The following TRAPPC13 variants were observed in gnomAD, a reference collection of about 807,000 sequenced individuals.
TRAPPC13 encodes the protein trafficking protein particle complex subunit 13.
In TRAPPC13, 39 loss-of-function variants were observed where a neutral mutation model predicts 54.0. The observed-to-expected ratio is 0.72, with a 90% CI of 0.56 to 0.94. The LOEUF (loss-of-function observed/expected upper bound fraction) is 0.94, where lower values mean the gene tolerates loss of function less well. Ranked by LOEUF, TRAPPC13 falls within the 40% of genes least tolerant of loss-of-function variation. The pLI is 0.00. For synonymous variants in TRAPPC13, 148 were observed against 167.7 expected (o/e 0.88, Z 0.91); for missense variants, 386 against 488.1 (o/e 0.79, Z 1.97).
rs761739530 is a variant in TRAPPC13, at chr5:65,625,077, C to G, written c.17C>G (p.Pro6Arg). 1.9e-6 allele frequency: 3 copies of G among 1,613,830 alleles called. No individual in the cohort carries two copies. The highest frequency in any genetic ancestry group is 1.1e-5 in the South Asian group (1 of 91,082). ...CCGGTCAAAATGGAAGTGAATCCCC[C>G]TAAACAGGAGCACCTGCTGGCGCTA... MEVNP[P>R]KQEHLLALKV... is the part of the protein sequence containing the mutation. The change falls in exon 1 of 13, where the codon CCT becomes CGT. Residue 6 changes from proline (P) to arginine (R), a missense_variant. Pro to Arg is a moderately radical substitution (Grantham distance 103). Coordinates refer to ENST00000399438, the MANE Select transcript of TRAPPC13 (RefSeq NM_024941.4).
At chr5:65,629,966 C>T in intron 1 of TRAPPC13, 1 of 1,536,016 alleles carries the variant, frequency 6.5e-7, no homozygotes, top group Non-Finnish European at 8.7e-7. Flanking sequence ...GGGAAAACAG[C>T]ACAAGAGGAG....
Position 65,634,510 on chromosome 5 carries a change from AAAT to A in TRAPPC13, c.47-786_47-784del, listed in dbSNP as rs1755673842. ...TTAGACACATTCTGTCATGTTCCAA[AAAT>A]AATATCTTACTTTTGATTGGAATTA... On this transcript the variant is annotated intron_variant, in intron 1 of 12. Transcript: ENST00000399438. Among the ~76,000 whole-genome samples, 10 of 152,282 alleles carry A rather than the reference AAAT, an allele frequency of 6.6e-5. No homozygotes were observed. The South Asian group carries it at 2.1e-3, about 32-fold the overall frequency.
chr5:65,660,818 T>C lies in TRAPPC13; in HGVS notation c.818T>C (p.Val273Ala), dbSNP rs1276136791. 2 of 1,613,734 alleles carry C rather than the reference T, an allele frequency of 1.2e-6. No individual in the cohort carries two copies. Among genetic ancestry groups the C allele is most frequent in the Admixed American group, 1.7e-5 (1 of 59,992 alleles). Residue 273 changes from valine (V) to alanine (A), a missense_variant, in exon 10 of 13, where the codon GTA (valine) becomes GCA (alanine). Transcript: ENST00000399438. Reference sequence around the variant, plus strand: ...GCAGGCATCATTAAGGGAGTAACAGTAATTGGAAAATTGGATATAGTATGG... The same window carrying C: ...GCAGGCATCATTAAGGGAGTAACAGCAATTGGAAAATTGGATATAGTATGG... ...EKAGIIKGVT[V>A]IGKLDIVWKT...
intron 1 of TRAPPC13, among the ~76,000 whole-genome samples, chr5:65,628,099 C>T: frequency 6.6e-6 from 1 of 152,140 alleles, no homozygotes. Context: ...GCCTGATTAG[C>T]AAGCCTAACT....
intron 1 of TRAPPC13, among the ~76,000 whole-genome samples, chr5:65,626,722 C>A (rs1183064528): frequency 2.6e-5 from 4 of 152,004 alleles, no homozygotes; most frequent in African/African-American, 7.3e-5. Flanking sequence ...GGCAACAGAG[C>A]GAGACTCCAT....
At chr5:65,651,968 A>T (rs1469465572) in intron 6 of TRAPPC13, among the ~76,000 whole-genome samples, 1 of 142,236 alleles carries the variant, frequency 7.0e-6, no homozygotes, top group Admixed American at 7.7e-5. Flanking sequence ...GGTGCAAGCG[A>T]TTCTCCTGCC....
In TRAPPC13 at chr5:65,658,461, A is replaced by C; in HGVS notation, c.658A>C (p.Asn220His). 6.3e-7 allele frequency: 1 copy of C among 1,580,852 alleles called. No individual in the cohort carries two copies. The highest frequency in any genetic ancestry group is 8.6e-7 in the Non-Finnish European group (1 of 1,161,492). Reference sequence around the variant, plus strand: ...TTCACTGGAGCCATCTATTATGTACAATGTAACAGAATTAAATTCAGTCAG... The same window carrying C: ...TTCACTGGAGCCATCTATTATGTACCATGTAACAGAATTAAATTCAGTCAG... ...KVSLEPSIMYNVTELNSVSQA... is the reference protein window; with the variant it reads ...KVSLEPSIMYHVTELNSVSQA... Residue 220 changes from asparagine to histidine, a missense_variant, in exon 9 of 13, where the codon AAT (asparagine) becomes CAT (histidine). Coordinates refer to ENST00000399438, the MANE Select transcript of TRAPPC13 (RefSeq NM_024941.4).
intron 4 of TRAPPC13, among the ~76,000 whole-genome samples, chr5:65,644,881 CAA>C (rs34137576): frequency 2.6e-3 from 320 of 124,884 alleles, no homozygotes; most frequent in Non-Finnish European, 3.0e-3. Context: ...ACTCCGTCTC[CAA>C]AAAAAAAAAA....
chr5:65,626,302 C>G (rs532070138), intron 1 of TRAPPC13: 2 of 152,348 alleles, frequency 1.3e-5, no homozygotes, highest in African/African-American at 2.4e-5. Context: ...AGGCCTGCCT[C>G]TCTTTCCAAG....
rs972116611 is a variant in TRAPPC13 at position 65,665,779 on chromosome 5, A to G, written c.*1168A>G. On this transcript the variant is annotated 3_prime_UTR_variant, in exon 13 of 13. Coordinates refer to ENST00000399438, the MANE Select transcript of TRAPPC13 (RefSeq NM_024941.4). The stretch of plus-strand genomic sequence containing the variant: ...AAGTTGAGGTGATAAACAACTTTGC[A>G]GCATTAATGTAACAAAAAGTTTCAG... The G allele has an allele frequency of 1.3e-5, 2 of 152,544 alleles. No individual in the cohort carries two copies. Among genetic ancestry groups the G allele is most frequent in the African/African-American group, 2.4e-5 (1 of 41,448 alleles). 9.4% of individuals were successfully genotyped at this position (152,544 alleles called of 1,614,324 possible). A position where few individuals can be genotyped will look rare whatever the true frequency, so the allele number is the denominator to read the frequency against.
In TRAPPC13 at chr5:65,664,499, A is replaced by G. The variant is rs1409005677; in HGVS notation, c.1147-5A>G. 1.8e-6 allele frequency: 2 copies of G among 1,124,904 alleles called. No individual in the cohort carries two copies. Among genetic ancestry groups the G allele is most frequent in the Admixed American group, 4.4e-5 (2 of 45,536 alleles). 69.7% of individuals were successfully genotyped at this position (1,124,904 alleles called of 1,614,324 possible). On this transcript the variant is annotated splice_region_variant and splice_polypyrimidine_tract_variant and intron_variant, in intron 12 of 12. Coordinates refer to ENST00000399438, the MANE Select transcript of TRAPPC13 (RefSeq NM_024941.4). ...ACTTAGACTCATCTCTCTCTCTCTC[A>G]ATAGAGCATCTCTGGCTTAAGACTA...
chr5:65,652,962 T>C (rs1756525209), intron 7 of TRAPPC13, among the ~76,000 whole-genome samples: 1 of 152,084 alleles, frequency 6.6e-6, no homozygotes. Flanking sequence ...GCTTAGCACA[T>C]TAAATTATTT....
At chr5:65,625,292 A>G (rs765168802) in intron 1 of TRAPPC13, 186 bp downstream of exon 1, 2 of 597,546 alleles carry the variant, frequency 3.3e-6, no homozygotes, top group Non-Finnish European at 3.0e-6. Flanking sequence ...GCCCCTTTCT[A>G]GAACGAAATA....
rs563867967 is a variant in TRAPPC13, at chr5:65,635,508, T to A, written c.115+139T>A. ...TTCTTTGTTGCCTATTTTTGTATCA[T>A]GTGAAAGGTGGCCATCTGAGTAACA... On this transcript the variant is annotated intron_variant, in intron 2 of 12. Transcript: ENST00000399438. The A allele has an allele frequency of 2.2e-3, 1,517 of 697,360 alleles. 9 individuals carry two copies. The highest frequency in any genetic ancestry group is 2.2e-3 in the Non-Finnish European group (914 of 411,642). 43.2% of individuals were successfully genotyped at this position (697,360 alleles called of 1,614,324 possible). A position where few individuals can be genotyped will look rare whatever the true frequency, so the allele number is the denominator to read the frequency against.
At chr5:65,664,086 G>A (rs190181598) in intron 11 of TRAPPC13, 151 bp from the exon 12 acceptor site, 172 of 786,974 alleles carry the variant, frequency 2.2e-4, no homozygotes, top group Non-Finnish European at 3.3e-4. Flanking sequence ...TATCTTAAGT[G>A]ACATAAAAAA....
At chr5:65,645,450 A>C (rs1190087094) in intron 4 of TRAPPC13, among the ~76,000 whole-genome samples, 1 of 152,184 alleles carries the variant, frequency 6.6e-6, no homozygotes, top group African/African-American at 2.4e-5. Flanking sequence ...AAGACACAGC[A>C]GTAATAAATA....
rs1756556659 is a variant in TRAPPC13 at position 65,653,727 on chromosome 5, T to A, written c.546+1182T>A. 2.0e-5 allele frequency among the ~76,000 whole-genome samples: 3 copies of A among 152,132 alleles called. No individual in the cohort carries two copies. The South Asian group carries it at 6.2e-4, about 32-fold the overall frequency. The stretch of plus-strand genomic sequence containing the variant: ...ATTCAAGCAGGGTTACAAATGGACA[T>A]GAAGTATCAAGTACATAGGAAAGAG... On this transcript the variant is annotated intron_variant, in intron 7 of 12. Transcript: ENST00000399438.
At chr5:65,628,877 G>A (rs1389709761) in intron 1 of TRAPPC13, among the ~76,000 whole-genome samples, 1 of 151,362 alleles carries the variant, frequency 6.6e-6, no homozygotes, top group Non-Finnish European at 1.5e-5. Context: ...AGGCTGAGTG[G>A]CATGATCTTG....
At chr5:65,649,145 G>C (rs976521101) in intron 5 of TRAPPC13, among the ~76,000 whole-genome samples, 7 of 152,156 alleles carry the variant, frequency 4.6e-5, no homozygotes, top group Non-Finnish European at 4.4e-5. Context: ...GAGCCCAGGA[G>C]GTCAAGGCTT....
Sources: allele counts gnomAD v4.1 joint callset (sites outside exome capture counted in the v4.1 genomes callset), GRCh38; gene constraint gnomAD v4.1.1; transcripts MANE v1.5; gene names NCBI Gene and HGNC (gene_info 2026-07-23, HGNC 2026-07-21).